EPHA6: variants seen among roughly 807,000 people sequenced by gnomAD.
The protein encoded by EPHA6 is ephrin type-A receptor 6.
A neutral mutation model predicts 112.0 loss-of-function variants in EPHA6; 50 were observed. The ratio of observed to expected loss-of-function variants is 0.45; its 90% CI spans 0.36 to 0.56. The LOEUF (loss-of-function observed/expected upper bound fraction) is 0.56, where lower values mean the gene tolerates loss of function less well. Among genes scored for constraint, EPHA6 ranks in the 20% least tolerant of loss-of-function variants. The pLI, the probability that EPHA6 is intolerant of heterozygous loss-of-function variation, is 0.00. For synonymous variants in EPHA6, 529 were observed against 490.7 expected (o/e 1.08, Z -1.03); for missense variants, 1,280 against 1,417.4 (o/e 0.90, Z 1.56).
At chr3:97,027,188 A>G (rs577552476) in intron 3 of EPHA6, among the ~76,000 whole-genome samples, 5 of 152,164 alleles carry the variant, frequency 3.3e-5, no homozygotes, top group Non-Finnish European at 5.9e-5. Flanking sequence ...TAACACAGGA[A>G]CAGAAAACTA....
chr3:97,250,163 G>A (rs1420270776), intron 5 of EPHA6, among the ~76,000 whole-genome samples: 1 of 152,160 alleles, frequency 6.6e-6, no homozygotes, highest in Non-Finnish European at 1.5e-5. Context: ...AATACGTCTG[G>A]AAAGTAACAA....
intron 3 of EPHA6, among the ~76,000 whole-genome samples, chr3:97,027,804 CG>C (rs1477268603): frequency 2.0e-5 from 3 of 152,086 alleles, no homozygotes; most frequent in African/African-American, 7.2e-5. Context: ...CCTTTGTGGC[CG>C]TAACTACTAT....
intron 11 of EPHA6, among the ~76,000 whole-genome samples, chr3:97,550,133 C>T (rs1332895222): frequency 6.6e-6 from 1 of 152,180 alleles, no homozygotes; most frequent in Non-Finnish European, 1.5e-5. Context: ...TTCCAGGTTT[C>T]AAGGCTTTTA....
chr3:97,733,442 T>C (rs2035125321), intron 15 of EPHA6, among the ~76,000 whole-genome samples: 1 of 152,124 alleles, frequency 6.6e-6, no homozygotes, highest in African/African-American at 2.4e-5. Flanking sequence ...ATCATGCTTA[T>C]ACTTTGAATC....
At chr3:97,025,933 G>A (rs576615837) in intron 3 of EPHA6, among the ~76,000 whole-genome samples, 13 of 152,070 alleles carry the variant, frequency 8.5e-5, no homozygotes, top group Admixed American at 3.3e-4. Flanking sequence ...TGTATGTGGT[G>A]TAAGGTGGGG....
intron 6 of EPHA6, among the ~76,000 whole-genome samples, chr3:97,406,249 A>T (rs936169591): frequency 3.9e-5 from 6 of 152,162 alleles, no homozygotes; most frequent in African/African-American, 1.2e-4. Flanking sequence ...AGAATACCAC[A>T]GATGGAGTAA....
At chr3:97,157,454 A>C (rs1006532744) in intron 3 of EPHA6, among the ~76,000 whole-genome samples, 1 of 152,158 alleles carries the variant, frequency 6.6e-6, no homozygotes, top group African/African-American at 2.4e-5. Flanking sequence ...ATAAATATTC[A>C]ATTTTGTATT....
intron 3 of EPHA6, among the ~76,000 whole-genome samples, chr3:97,116,496 C>A (rs553028704): frequency 6.6e-6 from 1 of 151,804 alleles, no homozygotes; most frequent in Non-Finnish European, 1.5e-5. Flanking sequence ...TTGTCTACAT[C>A]TCCCTTTCTT....
chr3:97,187,747 G>GAAAGAAAGAGGAAA (rs1559784809), intron 3 of EPHA6, among the ~76,000 whole-genome samples: 2 of 124,088 alleles, frequency 1.6e-5, no homozygotes, highest in African/African-American at 6.1e-5. Context: ...GAAAGAAAGA[G>GAAAGAAAGAGGAAA]GAAAGAAAGA....
intron 3 of EPHA6, among the ~76,000 whole-genome samples, chr3:97,166,842 A>G (rs1016474656): frequency 3.3e-5 from 5 of 152,150 alleles, no homozygotes; most frequent in African/African-American, 1.2e-4. Flanking sequence ...GTCTCCTATT[A>G]TCAATTTCTG....
intron 5 of EPHA6, among the ~76,000 whole-genome samples, chr3:97,342,719 C>T (rs1192257503): frequency 6.6e-6 from 1 of 152,142 alleles, no homozygotes; most frequent in Non-Finnish European, 1.5e-5. Context: ...CTCTTTCTCT[C>T]TCTGTGTCCC....
chr3:96,889,804 C>G (rs1575936881), intron 2 of EPHA6, among the ~76,000 whole-genome samples: 1 of 151,922 alleles, frequency 6.6e-6, no homozygotes, highest in South Asian at 2.1e-4. Context: ...AGTATATACC[C>G]CAGTACAATA....
intron 15 of EPHA6, among the ~76,000 whole-genome samples, chr3:97,721,481 A>G (rs1370219872): frequency 2.0e-5 from 3 of 152,182 alleles, no homozygotes; most frequent in Non-Finnish European, 2.9e-5. Context: ...ACTCCTTAGT[A>G]CTGTGGGTGT....
intron 3 of EPHA6, among the ~76,000 whole-genome samples, chr3:97,186,982 C>T (rs1175042064): frequency 6.6e-6 from 1 of 152,092 alleles, no homozygotes; most frequent in Non-Finnish European, 1.5e-5. Flanking sequence ...GACCATATCA[C>T]ACCTTAAAAA....
chr3:97,733,695 C>A (rs1328764888), intron 15 of EPHA6, among the ~76,000 whole-genome samples: 1 of 152,056 alleles, frequency 6.6e-6, no homozygotes, highest in South Asian at 2.1e-4. Flanking sequence ...ATCATACATA[C>A]ATGCACAAGA....
intron 3 of EPHA6, among the ~76,000 whole-genome samples, chr3:97,146,137 T>C (rs1203960952): frequency 6.6e-6 from 1 of 151,846 alleles, no homozygotes; most frequent in African/African-American, 2.4e-5. Context: ...AACTGACTTC[T>C]CTGTAGCTTT....
intron 5 of EPHA6, among the ~76,000 whole-genome samples, chr3:97,315,992 T>C (rs1413673042): frequency 6.6e-6 from 1 of 151,782 alleles, no homozygotes; most frequent in Non-Finnish European, 1.5e-5. Context: ...TGTGTCTACG[T>C]AAAAAGGCTT....
intron 3 of EPHA6, among the ~76,000 whole-genome samples, chr3:97,157,880 G>A (rs190126174): frequency 1.1e-4 from 16 of 152,168 alleles, no homozygotes; most frequent in African/African-American, 3.4e-4. Context: ...CGAGAAACAC[G>A]TTCACAAACA....
At chr3:97,382,724 T>C (rs1194519995) in intron 5 of EPHA6, among the ~76,000 whole-genome samples, 1 of 152,004 alleles carries the variant, frequency 6.6e-6, no homozygotes, top group East Asian at 1.9e-4. Context: ...ATCAGTCAAA[T>C]ATACCACAGT....
Sources: allele counts gnomAD v4.1 joint callset (sites outside exome capture counted in the v4.1 genomes callset), GRCh38; gene constraint gnomAD v4.1.1; transcripts MANE v1.5; gene names NCBI Gene and HGNC (gene_info 2026-07-23, HGNC 2026-07-21).